LRRC37B: variants seen among roughly 807,000 people sequenced by gnomAD.
LRRC37B encodes leucine-rich repeat-containing protein 37B.
Under a neutral mutation model 98.3 loss-of-function variants are expected in LRRC37B, and 28 were observed. The ratio of observed to expected loss-of-function variants is 0.28; its 90% CI spans 0.21 to 0.39. LRRC37B has a LOEUF of 0.39. Among genes scored for constraint, LRRC37B ranks in the 10% least tolerant of loss-of-function variants. The probability of loss-of-function intolerance (pLI) is 1.00; values close to 1 mark genes in which losing one functional copy is unlikely to be tolerated. For synonymous variants in LRRC37B, 364 were observed against 442.7 expected (o/e 0.82, Z 2.23); for missense variants, 938 against 1,182.7 (o/e 0.79, Z 3.03).
chr17:32,031,672 A>G (rs1427972811), intron 5 of LRRC37B, among the ~76,000 whole-genome samples: 2 of 151,696 alleles, frequency 1.3e-5, no homozygotes, highest in African/African-American at 4.8e-5. Flanking sequence ...GTTCTGACCT[A>G]TGGCATGGGC....
rs60233870 is a variant in LRRC37B, at chr17:32,038,103, G to A, written c.2204+2464G>A. Among the ~76,000 whole-genome samples the A allele has an allele frequency of 7.2e-3, 1,096 of 151,896 alleles. 10 individuals carry two copies. The highest frequency in any genetic ancestry group is 0.025 in the African/African-American group (1,044 of 41,404). ...GATCACGCCACTGCACTCCAGCCTG[G>A]GCGACACAGTGAGACTCCATCTCAA... On this transcript the variant is annotated intron_variant, in intron 7 of 11. Coordinates refer to ENST00000327564, the Ensembl canonical transcript of LRRC37B.
At chr17:32,007,399 AG>A (rs1910430526), upstream of LRRC37B, among the ~76,000 whole-genome samples, 1 of 152,012 alleles carries the variant, frequency 6.6e-6, no homozygotes. The surrounding 1 kb of genome is among the most constrained non-coding windows in gnomAD (Gnocchi z 4.1). Flanking sequence ...GCTCCTGTAG[AG>A]GGAAGAAACA....
upstream of LRRC37B, among the ~76,000 whole-genome samples, chr17:32,016,525 A>G (rs1910651513): frequency 6.6e-6 from 1 of 152,186 alleles, no homozygotes; most frequent in Non-Finnish European, 1.5e-5. Context: ...TGAGTTTCCA[A>G]AATCCTACTT....
chr17:32,049,061 T>C (rs1567620547), intron 9 of LRRC37B, 41 bp from the exon 13 acceptor site: 4 of 1,613,008 alleles, frequency 2.5e-6, no homozygotes, highest in South Asian at 2.2e-5. Flanking sequence ...ACTTGTCCCC[T>C]GAGCCCAAAA....
intron 9 of LRRC37B, among the ~76,000 whole-genome samples, chr17:32,048,263 G>T (rs1364271232): frequency 6.6e-6 from 1 of 151,192 alleles, no homozygotes; most frequent in South Asian, 2.1e-4. Context: ...CTTCAAAAAG[G>T]TGGGAAAGCA....
chr17:32,020,369 C>G (rs1436590229), upstream of LRRC37B, among the ~76,000 whole-genome samples: 2 of 152,136 alleles, frequency 1.3e-5, no homozygotes, highest in African/African-American at 2.4e-5. Flanking sequence ...TGTGTGCACA[C>G]AGGGTAGATC....
chr17:32,009,511 C>G (rs1177187860), intron 1 of LRRC37B, among the ~76,000 whole-genome samples: 1 of 152,074 alleles, frequency 6.6e-6, no homozygotes, highest in Non-Finnish European at 1.5e-5. Context: ...TGGGCTCAAG[C>G]GATCTGCTGC....
At chr17:32,009,266 TC>T (rs1401337055) in intron 1 of LRRC37B, among the ~76,000 whole-genome samples, 2 of 149,496 alleles carry the variant, frequency 1.3e-5, no homozygotes, top group Non-Finnish European at 3.0e-5. Context: ...AATACTAAAA[TC>T]TTTTTTTTTT....
At chr17:32,052,952 GTAAA>G (rs922027457) in intron 11 of LRRC37B, 10 of 226,878 alleles carry the variant, frequency 4.4e-5, no homozygotes, top group South Asian at 3.9e-4. Flanking sequence ...CTCTAAGTAA[GTAAA>G]TAAATAAAGT....
exon 1 of LRRC37B, chr17:32,021,285 C>T: frequency 2.5e-6 from 4 of 1,613,260 alleles, no homozygotes; most frequent in Non-Finnish European, 3.4e-6. Flanking sequence ...GCCACCTGAG[C>T]CCTGGTCTTC....
chr17:32,032,658 G>A (rs1431569009), intron 5 of LRRC37B, among the ~76,000 whole-genome samples: 1 of 152,136 alleles, frequency 6.6e-6, no homozygotes, highest in African/African-American at 2.4e-5. Flanking sequence ...GTCTGGATTA[G>A]AGCAGCAGTT....
At chr17:32,017,518 T>G (rs1910670204), upstream of LRRC37B, among the ~76,000 whole-genome samples, 1 of 152,166 alleles carries the variant, frequency 6.6e-6, no homozygotes, top group South Asian at 2.1e-4. Context: ...AAAACTGAGC[T>G]GTGAGACCGG....
intron 5 of LRRC37B, 130 bp downstream of exon 8, chr17:32,031,588 C>T: frequency 8.2e-7 from 1 of 1,225,004 alleles, no homozygotes; most frequent in Non-Finnish European, 1.1e-6. Flanking sequence ...TCGTTTTTCT[C>T]AAATGGGGAA....
intron 5 of LRRC37B, 63 bp downstream of exon 8, chr17:32,031,521 T>C: frequency 1.1e-6 from 1 of 916,382 alleles, no homozygotes; most frequent in East Asian, 3.1e-5. Context: ...CATACAATTA[T>C]TGGTTAGCTG....
intron 5 of LRRC37B, among the ~76,000 whole-genome samples, chr17:32,031,699 C>G (rs1321524598): frequency 6.6e-6 from 1 of 151,640 alleles, no homozygotes; most frequent in Non-Finnish European, 1.5e-5. Flanking sequence ...AGGCATCAAA[C>G]AAGTGACCCT....
At chr17:32,048,148 A>G (rs1407078402) in intron 9 of LRRC37B, 18 of 800,740 alleles carry the variant, frequency 2.2e-5, no homozygotes, top group Non-Finnish European at 3.7e-5. Context: ...AAAATTAGAA[A>G]CTGTGCAACC....
chr17:32,033,700 A>T (rs1911169461), intron 5 of LRRC37B, among the ~76,000 whole-genome samples: 1 of 152,210 alleles, frequency 6.6e-6, no homozygotes, highest in South Asian at 2.1e-4. Context: ...CTGCAAAAGT[A>T]CAGTGATGAT....
intron 5 of LRRC37B, among the ~76,000 whole-genome samples, chr17:32,032,886 A>T (rs1174992671): frequency 2.6e-5 from 4 of 152,190 alleles, no homozygotes; most frequent in Admixed American, 6.5e-5. Context: ...TCTGGTGGCC[A>T]GGAGCGGTGG....
exon 7 of LRRC37B, chr17:32,035,624 T>C: frequency 6.2e-7 from 1 of 1,610,344 alleles, no homozygotes. Context: ...ACGATGACTG[T>C]TGAACTGGAA....
Sources: allele counts gnomAD v4.1 joint callset (sites outside exome capture counted in the v4.1 genomes callset), GRCh38; gene constraint gnomAD v4.1.1; non-coding constraint Gnocchi (gnomAD v3.1); transcripts MANE v1.5; gene names NCBI Gene and HGNC (gene_info 2026-07-23, HGNC 2026-07-21).